Variants in ABCB1 observed in about 807,000 individuals in gnomAD.
ABCB1 encodes ATP binding cassette subfamily B member 1.
In ABCB1, 69 loss-of-function variants were observed where a neutral mutation model predicts 142.0. The ratio of observed to expected loss-of-function variants is 0.49; its 90% CI spans 0.40 to 0.59. ABCB1 has a LOEUF of 0.59. Ranked by LOEUF, ABCB1 falls within the 20% of genes least tolerant of loss-of-function variation. The probability of loss-of-function intolerance (pLI) is 0.00; values close to 1 mark genes in which losing one functional copy is unlikely to be tolerated. For synonymous variants in ABCB1, 532 were observed against 539.2 expected, an observed-to-expected ratio of 0.99 and a Z score of 0.18; for missense variants, 1,326 against 1,554.7, an observed-to-expected ratio of 0.85 and a Z score of 2.47.
At chr7:87,674,865 C>T (rs370169189) in intron 1 of ABCB1, among the ~76,000 whole-genome samples, 5 of 152,118 alleles carry the variant, frequency 3.3e-5, no homozygotes, top group Non-Finnish European at 7.4e-5. Context: ...CCAGGTCTGA[C>T]GGTCACCCTA....
chr7:87,709,036 A>G (rs1245862558), intron 1 of ABCB1, among the ~76,000 whole-genome samples: 1 of 152,180 alleles, frequency 6.6e-6, no homozygotes, highest in Admixed American at 6.6e-5. Flanking sequence ...AACAATCTTT[A>G]TAAGTCTGTT....
chr7:87,606,422 A>G (rs940443454), intron 1 of ABCB1, among the ~76,000 whole-genome samples: 1 of 152,186 alleles, frequency 6.6e-6, no homozygotes, highest in African/African-American at 2.4e-5. Context: ...TCTATCTTAA[A>G]GAAATAATTC....
At chr7:87,670,965 C>T (rs1005494295) in intron 1 of ABCB1, among the ~76,000 whole-genome samples, 12 of 151,828 alleles carry the variant, frequency 7.9e-5, no homozygotes, top group South Asian at 2.1e-4. Context: ...AGCTTTGGGG[C>T]GATCTCAGTG....
At chr7:87,558,803 T>C (rs1170364196) in intron 8 of ABCB1, among the ~76,000 whole-genome samples, 1 of 152,038 alleles carries the variant, frequency 6.6e-6, no homozygotes, top group African/African-American at 2.4e-5. Flanking sequence ...TCATATATAA[T>C]TCATGCTTTT....
chr7:87,628,943 C>G (rs769296338), intron 1 of ABCB1: 2 of 1,309,474 alleles, frequency 1.5e-6, no homozygotes, highest in Non-Finnish European at 2.0e-6. Context: ...TCACCGTGTG[C>G]AGGTACGGCA....
intron 4 of ABCB1, among the ~76,000 whole-genome samples, chr7:87,578,003 GTCCTAGAGAGTTTT>G (rs1193358742): frequency 1.3e-5 from 2 of 152,158 alleles, no homozygotes; most frequent in Non-Finnish European, 2.9e-5. Flanking sequence ...CCAATCTAAT[GTCCTAGAGAGTTTT>G]TCCAGTGTCT....
chr7:87,572,081 C>T (rs949073991), intron 4 of ABCB1, among the ~76,000 whole-genome samples: 1 of 152,178 alleles, frequency 6.6e-6, no homozygotes, highest in African/African-American at 2.4e-5. Flanking sequence ...ATTTCTTCTG[C>T]TCCACGTTTT....
At chr7:87,522,581 A>C (rs1815562627) in intron 21 of ABCB1, among the ~76,000 whole-genome samples, 1 of 152,052 alleles carries the variant, frequency 6.6e-6, no homozygotes, top group African/African-American at 2.4e-5. Context: ...TGGGTAAAAA[A>C]CTCGAGGACT....
intron 1 of ABCB1, among the ~76,000 whole-genome samples, chr7:87,676,697 C>T (rs2130559514): frequency 7.5e-6 from 1 of 132,672 alleles, no homozygotes; most frequent in Admixed American, 7.9e-5. Flanking sequence ...GAGCAAGACC[C>T]TGTCTCAAAA....
chr7:87,549,624 C>T (rs1273719255), intron 13 of ABCB1, 106 bp from the exon 14 acceptor site: 1 of 1,537,290 alleles, frequency 6.5e-7, no homozygotes, highest in Non-Finnish European at 9.0e-7. Context: ...ACAAGTAATA[C>T]AGGTCCAGTT....
At chr7:87,577,002 G>A (rs1394342096) in intron 4 of ABCB1, among the ~76,000 whole-genome samples, 3 of 151,972 alleles carry the variant, frequency 2.0e-5, no homozygotes, top group South Asian at 2.1e-4. Context: ...AATACTAGAT[G>A]ATATTCATTC....
chr7:87,649,858 T>C (rs1422024347), intron 1 of ABCB1, among the ~76,000 whole-genome samples: 2 of 152,136 alleles, frequency 1.3e-5, no homozygotes, highest in Non-Finnish European at 2.9e-5. Context: ...TTTGATAGTT[T>C]TATAAAGGAG....
intron 1 of ABCB1, among the ~76,000 whole-genome samples, chr7:87,711,370 C>G (rs183716641): frequency 3.3e-5 from 5 of 151,774 alleles, no homozygotes; most frequent in Admixed American, 3.3e-4. Context: ...TTATTTAATT[C>G]ATATGTATAA....
rs186534623 is a variant in ABCB1 at position 87,635,753 on chromosome 7, C to A, written c.-330-34675G>T. 9.2e-5 allele frequency among the ~76,000 whole-genome samples: 14 copies of A among 152,290 alleles called. No homozygotes were observed. In the East Asian group the frequency reaches 2.5e-3, roughly 27 times the overall value. On this transcript the variant is annotated intron_variant, in intron 1 of 28. Transcript: ENST00000265724. Reference sequence around the variant, plus strand: ...AGAAAGAACTGTTCAAATATCAAGACCTCCTCCTTGCTTTCTTGTAGTTAA... The same window carrying A: ...AGAAAGAACTGTTCAAATATCAAGAACTCCTCCTTGCTTTCTTGTAGTTAA...
At chr7:87,546,764 C>A (rs1452292913) in intron 14 of ABCB1, among the ~76,000 whole-genome samples, 1 of 152,048 alleles carries the variant, frequency 6.6e-6, no homozygotes, top group East Asian at 1.9e-4. Context: ...AAATGTGAGG[C>A]AGCAAAGTCC....
chr7:87,562,930 C>A (rs955000), intron 7 of ABCB1, among the ~76,000 whole-genome samples: 1 of 151,960 alleles, frequency 6.6e-6, no homozygotes, highest in African/African-American at 2.4e-5. Context: ...GAAACCCCAT[C>A]TCTACAAAAA....
chr7:87,571,855 A>G (rs1290228478), intron 4 of ABCB1, among the ~76,000 whole-genome samples: 1 of 152,214 alleles, frequency 6.6e-6, no homozygotes, highest in African/African-American at 2.4e-5. Flanking sequence ...ATCTCTCCTT[A>G]CCCATAAGGA....
At chr7:87,610,396 C>CCTT (rs1563073888) in intron 1 of ABCB1, among the ~76,000 whole-genome samples, 1 of 73,810 alleles carries the variant, frequency 1.4e-5, no homozygotes. Flanking sequence ...CACACCTGGC[C>CCTT]TTTTTTTTTT....
chr7:87,701,942 G>A (rs973829197), intron 1 of ABCB1, among the ~76,000 whole-genome samples: 6 of 151,926 alleles, frequency 3.9e-5, no homozygotes, highest in African/African-American at 1.5e-4. Flanking sequence ...AGGAGATCGA[G>A]ACCATCCTGG....
Sources: gnomAD v4.1 joint callset for allele counts (sites outside exome capture counted in the v4.1 genomes callset) on GRCh38, gnomAD v4.1.1 for gene constraint, MANE v1.5 for transcripts, NCBI Gene and HGNC (gene_info 2026-07-23, HGNC 2026-07-21) for gene names.